The following L3MBTL4 variants were observed in gnomAD, a reference collection of about 807,000 sequenced individuals.
L3MBTL4 encodes lethal(3)malignant brain tumor-like protein 4.
A neutral mutation model predicts 84.5 loss-of-function variants in L3MBTL4; 70 were observed. That is an observed-to-expected ratio of 0.83 (90% CI 0.68 to 1.01). L3MBTL4 has a LOEUF of 1.01. Ranked by LOEUF, L3MBTL4 falls within the 50% of genes least tolerant of loss-of-function variation. The pLI, the probability that L3MBTL4 is intolerant of heterozygous loss-of-function variation, is 0.00. For missense variants in L3MBTL4, 715 were observed against 754.8 expected, an observed-to-expected ratio of 0.95 and a Z score of 0.62; for synonymous variants, 274 against 259.8, an observed-to-expected ratio of 1.05 and a Z score of -0.52.
At chr18:5,978,070 TG>T (rs2053032680) in intron 16 of L3MBTL4, among the ~76,000 whole-genome samples, 1 of 152,338 alleles carries the variant, frequency 6.6e-6, no homozygotes, top group African/African-American at 2.4e-5. Context: ...AATGGGACTG[TG>T]GCGCCTTCAG....
intron 14 of L3MBTL4, among the ~76,000 whole-genome samples, chr18:6,131,894 T>C (rs1378678605): frequency 6.6e-6 from 1 of 152,214 alleles, no homozygotes; most frequent in East Asian, 1.9e-4. Context: ...ATGAATGATA[T>C]CAATTTTTTA....
intron 16 of L3MBTL4, among the ~76,000 whole-genome samples, chr18:6,026,364 A>C (rs929770058): frequency 6.6e-6 from 1 of 152,202 alleles, no homozygotes; most frequent in Non-Finnish European, 1.5e-5. Flanking sequence ...CCAGTGTCTT[A>C]TCTCCAGGAG....
At chr18:6,364,971 T>G (rs895686920) in intron 1 of L3MBTL4, among the ~76,000 whole-genome samples, 2 of 152,062 alleles carry the variant, frequency 1.3e-5, no homozygotes, top group African/African-American at 4.8e-5. Flanking sequence ...TTTTAAAATA[T>G]ATATTATAGC....
At chr18:6,401,231 T>C (rs980649004) in intron 1 of L3MBTL4, among the ~76,000 whole-genome samples, 3 of 152,168 alleles carry the variant, frequency 2.0e-5, no homozygotes, top group African/African-American at 7.2e-5. Context: ...CGTATTCGTA[T>C]GAGGTTGTGT....
At chr18:5,990,913 G>C (rs952706210) in intron 16 of L3MBTL4, among the ~76,000 whole-genome samples, 1 of 151,982 alleles carries the variant, frequency 6.6e-6, no homozygotes, top group Admixed American at 6.6e-5. Context: ...AAGCACACAG[G>C]GCCTAGGCTT....
intron 13 of L3MBTL4, among the ~76,000 whole-genome samples, chr18:6,142,760 AT>A (rs974955356): frequency 2.0e-5 from 3 of 152,092 alleles, no homozygotes; most frequent in Admixed American, 6.6e-5. Flanking sequence ...CTACAAAAAA[AT>A]AATCTTAAAA....
intron 1 of L3MBTL4, among the ~76,000 whole-genome samples, chr18:6,328,933 T>C (rs1312600434): frequency 6.6e-6 from 1 of 152,158 alleles, no homozygotes; most frequent in African/African-American, 2.4e-5. Context: ...TTTTTAAAAA[T>C]TGAAGTGTAA....
chr18:5,962,468 C>T (rs1180502359), intron 17 of L3MBTL4, among the ~76,000 whole-genome samples: 1 of 151,860 alleles, frequency 6.6e-6, no homozygotes, highest in African/African-American at 2.4e-5. Flanking sequence ...AGAGGGAGGG[C>T]CACGTGGTTC....
intron 16 of L3MBTL4, chr18:6,029,712 A>G (rs1438415742): frequency 2.0e-6 from 2 of 985,038 alleles, no homozygotes; most frequent in African/African-American, 3.5e-5. Flanking sequence ...GTAAAATTAA[A>G]AGTTAAATCA....
At chr18:6,331,753 A>G (rs1192488752) in intron 1 of L3MBTL4, among the ~76,000 whole-genome samples, 1 of 152,158 alleles carries the variant, frequency 6.6e-6, no homozygotes, top group Non-Finnish European at 1.5e-5. Context: ...AATAAAATGC[A>G]TAATACAGTA....
intron 16 of L3MBTL4, among the ~76,000 whole-genome samples, chr18:6,063,198 C>T (rs998594538): frequency 7.9e-5 from 12 of 151,670 alleles, no homozygotes; most frequent in African/African-American, 1.5e-4. Context: ...AGTAGTATTC[C>T]GTGGTGTATA....
chr18:6,082,723 T>C (rs1337869244), intron 15 of L3MBTL4, among the ~76,000 whole-genome samples: 2 of 152,208 alleles, frequency 1.3e-5, no homozygotes, highest in Non-Finnish European at 2.9e-5. Flanking sequence ...TTAAAAAACA[T>C]TTTAAAATAA....
At chr18:6,174,840 CTGGG>C (rs2044151432) in intron 12 of L3MBTL4, among the ~76,000 whole-genome samples, 1 of 145,994 alleles carries the variant, frequency 6.8e-6, no homozygotes, top group South Asian at 2.2e-4. Context: ...TGCACTCAGC[CTGGG>C]TGACAGAGCG....
intron 4 of L3MBTL4, among the ~76,000 whole-genome samples, chr18:6,286,640 T>C (rs2049603642): frequency 6.6e-6 from 1 of 152,206 alleles, no homozygotes; most frequent in South Asian, 2.1e-4. Flanking sequence ...TAAATCTCCA[T>C]ATTTTATTTC....
chr18:6,079,482 A>G (rs1441665855), intron 16 of L3MBTL4, among the ~76,000 whole-genome samples: 2 of 152,254 alleles, frequency 1.3e-5, no homozygotes, highest in African/African-American at 4.8e-5. Context: ...CTTATACATG[A>G]TGCAGAAAAG....
chr18:6,233,345 A>G (rs2047076869), intron 10 of L3MBTL4, among the ~76,000 whole-genome samples: 1 of 149,760 alleles, frequency 6.7e-6, no homozygotes, highest in Non-Finnish European at 1.5e-5. Context: ...GAAAGAAATA[A>G]AGGATATTCA....
At chr18:6,105,165 T>C (rs1365755482) in intron 14 of L3MBTL4, among the ~76,000 whole-genome samples, 2 of 151,242 alleles carry the variant, frequency 1.3e-5, no homozygotes, top group African/African-American at 2.4e-5. Context: ...CAAGTATATG[T>C]TGTTGAGAAC....
chr18:5,971,884 G>A (rs1045745334), intron 16 of L3MBTL4, among the ~76,000 whole-genome samples: 3 of 152,322 alleles, frequency 2.0e-5, no homozygotes, highest in Admixed American at 1.3e-4. Flanking sequence ...AGGTCACAAC[G>A]AAAGAGATGG....
intron 3 of L3MBTL4, among the ~76,000 whole-genome samples, chr18:6,302,969 T>G (rs1465441422): frequency 6.6e-6 from 1 of 151,418 alleles, no homozygotes; most frequent in Non-Finnish European, 1.5e-5. Context: ...CCTGGCTGGG[T>G]GGCAGAGTGA....
Sources: allele counts gnomAD v4.1 joint callset (sites outside exome capture counted in the v4.1 genomes callset), GRCh38; gene constraint gnomAD v4.1.1; transcripts MANE v1.5; gene names NCBI Gene and HGNC (gene_info 2026-07-23, HGNC 2026-07-21).